TAF3: variants seen among roughly 807,000 people sequenced by gnomAD.
TAF3 encodes the protein transcription initiation factor TFIID subunit 3.
Under a neutral mutation model 80.6 loss-of-function variants are expected in TAF3, and 7 were observed. The observed-to-expected ratio is 0.09, with a 90% CI of 0.05 to 0.16. The LOEUF is 0.16. TAF3 is among the 10% of genes least tolerant of loss of function. The probability of loss-of-function intolerance (pLI) is 1.00; values close to 1 mark genes in which losing one functional copy is unlikely to be tolerated. For synonymous variants in TAF3, 444 were observed against 446.1 expected (o/e 1.00, Z 0.06); for missense variants, 921 against 1,140.2 (o/e 0.81, Z 2.77).
intron 6 of TAF3, 27 bp from the exon 7 acceptor site, chr10:8,014,610 C>T: frequency 1.3e-6 from 2 of 1,593,130 alleles, no homozygotes; most frequent in Admixed American, 3.5e-5. Context: ...ATAAAAGTTG[C>T]TTATCTGAGC....
At chr10:7,932,059 C>T (rs1345007519) in intron 2 of TAF3, among the ~76,000 whole-genome samples, 1 of 152,042 alleles carries the variant, frequency 6.6e-6, no homozygotes, top group African/African-American at 2.4e-5. Context: ...TGCAGAGATC[C>T]CCTATGGATT....
At chr10:7,863,678 T>TATATACACATACATATATATACACACAC in intron 2 of TAF3, among the ~76,000 whole-genome samples, 1 of 81,576 alleles carries the variant, frequency 1.2e-5, no homozygotes, top group South Asian at 6.4e-4. Flanking sequence ...CACACATATA[T>TATATACACATACATATATATACACACAC]ATATATACAC....
chr10:8,000,542 G>C (rs1168828635), intron 4 of TAF3, among the ~76,000 whole-genome samples: 1 of 152,136 alleles, frequency 6.6e-6, no homozygotes, highest in East Asian at 1.9e-4. Context: ...CGAGATGGGA[G>C]GATCACTTGA....
At chr10:7,861,265 G>A (rs1156773074) in intron 2 of TAF3, among the ~76,000 whole-genome samples, 1 of 151,880 alleles carries the variant, frequency 6.6e-6, no homozygotes, top group African/African-American at 2.4e-5. Flanking sequence ...ATCCGGCCCT[G>A]CACGGCTAAT....
intron 2 of TAF3, among the ~76,000 whole-genome samples, chr10:7,845,806 A>G (rs1004897326): frequency 4.6e-5 from 7 of 152,144 alleles, no homozygotes; most frequent in African/African-American, 1.7e-4. Flanking sequence ...ACTTATGTGA[A>G]TAGCATTGCT....
intron 2 of TAF3, among the ~76,000 whole-genome samples, chr10:7,887,092 G>A (rs997283645): frequency 1.3e-5 from 2 of 151,888 alleles, no homozygotes; most frequent in Non-Finnish European, 2.9e-5. Flanking sequence ...AAAATTAGCC[G>A]GGCGTGGTGG....
At chr10:7,937,742 A>C (rs1837934932) in intron 2 of TAF3, among the ~76,000 whole-genome samples, 1 of 152,342 alleles carries the variant, frequency 6.6e-6, no homozygotes, top group East Asian at 1.9e-4. Flanking sequence ...AGCACCTAAC[A>C]TTTCAAGAGC....
chr10:7,970,238 G>T (rs1451224713), intron 3 of TAF3, among the ~76,000 whole-genome samples: 1 of 152,214 alleles, frequency 6.6e-6, no homozygotes, highest in Non-Finnish European at 1.5e-5. Flanking sequence ...TTGAGGAATT[G>T]TTTTATTTGA....
chr10:7,955,490 G>A (rs1838126181), intron 2 of TAF3, among the ~76,000 whole-genome samples: 1 of 152,202 alleles, frequency 6.6e-6, no homozygotes, highest in Non-Finnish European at 1.5e-5. Context: ...AAGAATACAA[G>A]CATATTTTCT....
At chr10:7,901,862 A>G (rs935802736) in intron 2 of TAF3, among the ~76,000 whole-genome samples, 2 of 152,112 alleles carry the variant, frequency 1.3e-5, no homozygotes, top group Non-Finnish European at 2.9e-5. Context: ...TCTTTCTGAT[A>G]TTTTGTGGAT....
At chr10:7,987,827 A>C (rs1831793118) in intron 4 of TAF3, among the ~76,000 whole-genome samples, 1 of 152,142 alleles carries the variant, frequency 6.6e-6, no homozygotes, top group Admixed American at 6.6e-5. Flanking sequence ...CTTTGGGGGA[A>C]GCTATTGGTT....
chr10:7,895,327 A>G (rs1289162189), intron 2 of TAF3, among the ~76,000 whole-genome samples: 4 of 152,212 alleles, frequency 2.6e-5, no homozygotes, highest in Admixed American at 6.5e-5. Flanking sequence ...CTGTACAGCA[A>G]TGGCTTCAGT....
At chr10:8,007,385 G>C (rs1832004518) in intron 4 of TAF3, among the ~76,000 whole-genome samples, 1 of 151,340 alleles carries the variant, frequency 6.6e-6, no homozygotes, top group South Asian at 2.1e-4. Flanking sequence ...GGCAGGAAAG[G>C]TACAGAGAAA....
chr10:7,855,094 G>C (rs1428680167), intron 2 of TAF3, among the ~76,000 whole-genome samples: 2 of 152,074 alleles, frequency 1.3e-5, no homozygotes, highest in African/African-American at 2.4e-5. Flanking sequence ...TTTGAAACTG[G>C]AAAGTCGAGG....
chr10:7,999,759 A>G (rs566911410), intron 4 of TAF3, among the ~76,000 whole-genome samples: 23 of 152,140 alleles, frequency 1.5e-4, no homozygotes, highest in African/African-American at 5.3e-4. Context: ...GCCCAGCCCA[A>G]ATGTATTACT....
At chr10:7,873,725 G>A (rs1837289900) in intron 2 of TAF3, among the ~76,000 whole-genome samples, 1 of 150,418 alleles carries the variant, frequency 6.6e-6, no homozygotes, top group African/African-American at 2.5e-5. Flanking sequence ...TGAAGAATCA[G>A]CCAAATAACA....
intron 2 of TAF3, among the ~76,000 whole-genome samples, chr10:7,882,434 G>C (rs1055318902): frequency 5.9e-5 from 9 of 152,132 alleles, no homozygotes; most frequent in African/African-American, 2.2e-4. Context: ...GATGAGAAAA[G>C]GAATCTTCAG....
At chr10:7,914,334 C>T (rs4749348) in intron 2 of TAF3, among the ~76,000 whole-genome samples, 53,530 of 152,198 alleles carry the variant, frequency 0.35, 10,584 homozygotes, top group Admixed American at 0.48. Flanking sequence ...CTTATGTTAA[C>T]CCCTTGGGGG....
At chr10:7,927,098 T>A (rs1157781429) in intron 2 of TAF3, among the ~76,000 whole-genome samples, 2 of 152,184 alleles carry the variant, frequency 1.3e-5, no homozygotes, top group Non-Finnish European at 2.9e-5. Flanking sequence ...CAAGCACTGG[T>A]CATGCCCAAG....
Sources: allele counts gnomAD v4.1 joint callset (sites outside exome capture counted in the v4.1 genomes callset), GRCh38; gene constraint gnomAD v4.1.1; transcripts MANE v1.5; gene names NCBI Gene and HGNC (gene_info 2026-07-23, HGNC 2026-07-21).